Variants in TTC28 observed in about 807,000 individuals in gnomAD.
TTC28 encodes tetratricopeptide repeat protein 28.
A neutral mutation model predicts 198.0 loss-of-function variants in TTC28; 61 were observed. The ratio of observed to expected loss-of-function variants is 0.31; its 90% CI spans 0.25 to 0.38. The LOEUF is 0.38. TTC28 is among the 10% of genes least tolerant of loss of function. TTC28 has a pLI of 1.00. For synonymous variants in TTC28, 1,171 were observed against 1,297.8 expected (o/e 0.90, Z 2.10); for missense variants, 2,678 against 3,164.0 (o/e 0.85, Z 3.69).
rs760440001 is a variant in TTC28, at chr22:27,983,495, C to T, written c.6172G>A (p.Gly2058Arg). The change falls in exon 23 of 23, where the codon GGG (glycine) becomes AGG (arginine). Residue 2058 changes from glycine (G) to arginine (R), a missense_variant. By Grantham distance (125) the Gly-to-Arg change is moderately radical (BLOSUM62 -2). This residue lies in a region of TTC28 where 622 missense variants were observed against 656.0 expected (regional missense o/e 0.95). Transcript: ENST00000397906. ...AGNKDEEEYE[G>R]FSIISNEPLA... ...GGCTCGTTACTGATGATAGAAAACC[C>T]TTCATATTCTTCTTCATCTTTGTTG... The T allele has an allele frequency of 1.9e-6, 3 of 1,545,018 alleles. No homozygotes were observed. Among genetic ancestry groups the T allele is most frequent in the African/African-American group, 1.4e-5 (1 of 72,238 alleles).
Position 28,214,953 on chromosome 22 carries a change from TA to T in TTC28, c.934-51355del, listed in dbSNP as rs369669761. On this transcript the variant is annotated intron_variant, in intron 5 of 22. Transcript: ENST00000397906. The stretch of plus-strand genomic sequence containing the variant: ...TATACCATGGAATACTATGCAGCCA[TA>T]AAAAAGGATGAGTTCACGTCCTTCG... Among the ~76,000 whole-genome samples, 21 of 152,188 alleles carry T rather than the reference TA, an allele frequency of 1.4e-4. No homozygotes were observed. In the South Asian group the frequency reaches 4.2e-3, roughly 30 times the overall value.
chr22:28,217,028 A>G (rs1927461050), intron 5 of TTC28, among the ~76,000 whole-genome samples: 1 of 152,130 alleles, frequency 6.6e-6, no homozygotes, highest in African/African-American at 2.4e-5. Flanking sequence ...TATTTTCAAT[A>G]ATAAACATTT....
intron 6 of TTC28, among the ~76,000 whole-genome samples, chr22:28,128,330 A>G (rs1297473249): frequency 6.6e-6 from 1 of 152,146 alleles, no homozygotes; most frequent in Non-Finnish European, 1.5e-5. Flanking sequence ...AAAAACAAAA[A>G]AAAAAGTACA....
chr22:28,330,500 T>A (rs1265677168), intron 2 of TTC28, among the ~76,000 whole-genome samples: 1 of 152,186 alleles, frequency 6.6e-6, no homozygotes, highest in African/African-American at 2.4e-5. Context: ...ACTCCATACC[T>A]TTTCCAAAGA....
intron 6 of TTC28, among the ~76,000 whole-genome samples, chr22:28,148,490 G>A (rs1008802217): frequency 2.6e-5 from 4 of 151,972 alleles, no homozygotes; most frequent in African/African-American, 9.7e-5. Flanking sequence ...GCGGGCACCT[G>A]TAGTCCCACC....
intron 5 of TTC28, among the ~76,000 whole-genome samples, chr22:28,258,705 T>A (rs1931122544): frequency 6.6e-6 from 1 of 152,170 alleles, no homozygotes; most frequent in South Asian, 2.1e-4. Flanking sequence ...TATGAATAGA[T>A]GTTCAAATTC....
chr22:27,996,450 CCTTTT>C (rs1308968914), intron 16 of TTC28, 191 bp from the exon 17 acceptor site: 1 of 754,290 alleles, frequency 1.3e-6, no homozygotes, highest in Non-Finnish European at 2.1e-6. Flanking sequence ...TTGTCCCCTT[CCTTTT>C]AAGAATCAAT....
At chr22:28,610,972 A>G (rs559698889) in intron 2 of TTC28, among the ~76,000 whole-genome samples, 1 of 152,276 alleles carries the variant, frequency 6.6e-6, no homozygotes, top group East Asian at 1.9e-4. Context: ...AAAAAATATC[A>G]GAGATGGAAG....
rs111302565 is a variant in TTC28, at chr22:28,445,861, T to TACAC, written c.382-139222_382-139219dup. Among the ~76,000 whole-genome samples, 1,161 of 146,844 alleles carry TACAC rather than the reference T, an allele frequency of 7.9e-3. 8 individuals are homozygous for TACAC. Among genetic ancestry groups the TACAC allele is most frequent in the East Asian group, 0.012 (59 of 5,046 alleles). ...ATAGCCCTGATGACATACATATCTA[T>TACAC]ACACACACACACACACACACACACA... On this transcript the variant is annotated intron_variant, in intron 2 of 22. Coordinates refer to ENST00000397906, the MANE Select transcript of TTC28 (RefSeq NM_001145418.2).
intron 3 of TTC28, among the ~76,000 whole-genome samples, chr22:28,302,559 G>A (rs994480266): frequency 6.6e-6 from 1 of 152,188 alleles, no homozygotes; most frequent in African/African-American, 2.4e-5. Context: ...GATACAGACT[G>A]AAGTACAGAG....
intron 2 of TTC28, among the ~76,000 whole-genome samples, chr22:28,442,175 G>A (rs2047632963): frequency 6.6e-6 from 1 of 151,944 alleles, no homozygotes; most frequent in South Asian, 2.1e-4. Flanking sequence ...CTCGCAAAAA[G>A]CAAAGTGCCC....
intron 2 of TTC28, among the ~76,000 whole-genome samples, chr22:28,523,580 G>C (rs1388228262): frequency 6.6e-6 from 1 of 152,170 alleles, no homozygotes; most frequent in Non-Finnish European, 1.5e-5. Context: ...CGTTCCATGT[G>C]CTTGGCCCTT....
chr22:28,124,265 C>G (rs751110304), intron 6 of TTC28, among the ~76,000 whole-genome samples: 1 of 151,798 alleles, frequency 6.6e-6, no homozygotes, highest in Non-Finnish European at 1.5e-5. Context: ...CAATATTTAC[C>G]CAAAACAAAG....
chr22:28,420,170 T>C (rs901190454), intron 2 of TTC28, among the ~76,000 whole-genome samples: 1 of 152,188 alleles, frequency 6.6e-6, no homozygotes, highest in African/African-American at 2.4e-5. Context: ...AGATGAAAGC[T>C]TTTGGCTGGA....
At chr22:28,532,271 A>G (rs2049157607) in intron 2 of TTC28, among the ~76,000 whole-genome samples, 2 of 152,236 alleles carry the variant, frequency 1.3e-5, no homozygotes, top group South Asian at 4.1e-4. Flanking sequence ...AGAGAATATT[A>G]TAAACACCTC....
At position 28,163,306 on chromosome 22, in the gene TTC28, G is replaced by T. The variant is rs1223531464; in HGVS notation, c.1227C>A (p.Asn409Lys). The T allele has an allele frequency of 2.6e-6, 4 of 1,552,052 alleles. No individual in the cohort carries two copies. Among genetic ancestry groups the T allele is most frequent in the East Asian group, 2.4e-5 (1 of 40,924 alleles). Residue 409 changes from asparagine to lysine, a missense_variant, in exon 6 of 23, where the codon AAC becomes AAA. Physicochemically the swap from Asn to Lys is moderately conservative, Grantham distance 94. Around this residue, in one of 8 missense-constraint regions of TTC28, gnomAD observed 775 missense variants for 845.9 expected, o/e 0.92. Transcript: ENST00000397906. ...TATGGTAAGACATGGCCTTGTCAAA[G>T]TTCCTCCGGTAGTGATAGGCACTGC... ...NLGSAYHYRR[N>K]FDKAMSYHNY...
At chr22:28,055,621 G>A (rs756669172) in intron 12 of TTC28, among the ~76,000 whole-genome samples, 7 of 152,142 alleles carry the variant, frequency 4.6e-5, no homozygotes, top group African/African-American at 1.4e-4. Context: ...ATGAGGCAAC[G>A]ATCATAACCC....
chr22:28,363,632 A>G (rs892873679), intron 2 of TTC28, among the ~76,000 whole-genome samples: 16 of 152,186 alleles, frequency 1.1e-4, no homozygotes, highest in African/African-American at 3.6e-4. Flanking sequence ...CAGACACTCA[A>G]TGCCAGCCCA....
chr22:28,574,206 T>C (rs1292686351), intron 2 of TTC28, among the ~76,000 whole-genome samples: 3 of 152,110 alleles, frequency 2.0e-5, no homozygotes, highest in Non-Finnish European at 4.4e-5. Flanking sequence ...GAGACAGGAT[T>C]TCACTATGTT....
Sources: gnomAD v4.1 joint callset for allele counts (sites outside exome capture counted in the v4.1 genomes callset) on GRCh38, gnomAD v4.1.1 for gene constraint, gnomAD v4.1.1 regional missense constraint, MANE v1.5 for transcripts, NCBI Gene and HGNC (gene_info 2026-07-23, HGNC 2026-07-21) for gene names.